HTR2B: variants seen among roughly 807,000 people sequenced by gnomAD.
HTR2B encodes 5-HT 2B receptor.
In HTR2B, 31 loss-of-function variants were observed where a neutral mutation model predicts 39.8. The ratio of observed to expected loss-of-function variants is 0.78; its 90% CI spans 0.58 to 1.05. The LOEUF (loss-of-function observed/expected upper bound fraction) is 1.05. Among genes scored for constraint, HTR2B ranks in the 50% least tolerant of loss-of-function variants. The pLI, the probability that HTR2B is intolerant of heterozygous loss-of-function variation, is 0.00. For missense variants in HTR2B, 562 were observed against 578.0 expected, an observed-to-expected ratio of 0.97 and a Z score of 0.28; for synonymous variants, 210 against 207.1, an observed-to-expected ratio of 1.01 and a Z score of -0.12.
At chr2:231,123,010 T>G (rs996059515) in intron 2 of HTR2B, among the ~76,000 whole-genome samples, 1 of 152,178 alleles carries the variant, frequency 6.6e-6, no homozygotes, top group South Asian at 2.1e-4. Context: ...TCAAAGACCT[T>G]ATCGTTAACC....
In HTR2B at chr2:231,108,701, A is replaced by T; in HGVS notation, c.1262T>A (p.Met421Lys). The T allele has an allele frequency of 1.9e-6, 3 of 1,614,128 alleles. No individual in the cohort carries two copies. Among genetic ancestry groups the T allele is most frequent in the East Asian group, 2.2e-5 (1 of 44,874 alleles). Residue 421 changes from methionine (M) to lysine (K), a missense_variant, in exon 4 of 4, where the codon ATG becomes AAG. By Grantham distance (95) the Met-to-Lys change is moderately conservative. Coordinates refer to ENST00000258400, the MANE Select transcript of HTR2B (RefSeq NM_000867.5). Reference sequence around the variant, plus strand: ...CTTGAAAAACTTAGAGTTCTCTGCCATTGGATTCCGGAAGTAGATCTTACT... The same window carrying T: ...CTTGAAAAACTTAGAGTTCTCTGCCTTTGGATTCCGGAAGTAGATCTTACT... ...RSSKIYFRNP[M>K]AENSKFFKKH...
chr2:231,112,772 G>C (rs1347000438), intron 3 of HTR2B, among the ~76,000 whole-genome samples: 2 of 152,160 alleles, frequency 1.3e-5, no homozygotes, highest in Non-Finnish European at 2.9e-5. Context: ...GATGAGTACA[G>C]GGCCGTAAGA....
chr2:231,108,925 A>G lies in HTR2B; in HGVS notation c.1038T>C (p.Thr346=). 6.2e-7 allele frequency: 1 copy of G among 1,614,162 alleles called. No individual in the cohort carries two copies. Among genetic ancestry groups the G allele is most frequent in the Non-Finnish European group, 8.5e-7 (1 of 1,180,004 alleles). ...GGTTACAGGAATCACATAAAACTAA[A>G]GTTATATTTGTAATAAAGAAGGGAC... The part of the protein sequence containing the change: ...MWCPFFITNI[T]LVLCDSCNQT... Residue 346 remains threonine (T), a synonymous_variant, in exon 4 of 4, where the codon ACT becomes ACC. Coordinates refer to ENST00000258400, the MANE Select transcript of HTR2B (RefSeq NM_000867.5).
At chr2:231,115,095 T>A (rs1305695658) in intron 2 of HTR2B, among the ~76,000 whole-genome samples, 1 of 151,930 alleles carries the variant, frequency 6.6e-6, no homozygotes, top group Non-Finnish European at 1.5e-5. Context: ...ACCAGAATAA[T>A]CATCTCAGGA....
At chr2:231,118,034 C>G (rs1695403431) in intron 2 of HTR2B, among the ~76,000 whole-genome samples, 1 of 152,024 alleles carries the variant, frequency 6.6e-6, no homozygotes, top group South Asian at 2.1e-4. Flanking sequence ...AATCAGTCCT[C>G]CTGGGTTTAA....
chr2:231,119,095 T>A (rs894717698), intron 2 of HTR2B, among the ~76,000 whole-genome samples: 6 of 152,224 alleles, frequency 3.9e-5, no homozygotes, highest in Admixed American at 2.6e-4. Context: ...AATATGATAG[T>A]GTTTTAAATG....
Position 231,123,929 on chromosome 2 carries a change from G to A in HTR2B, c.-165C>T, listed in dbSNP as rs186576022. On this transcript the variant is annotated 5_prime_UTR_variant, in exon 2 of 4. Coordinates refer to ENST00000258400, the MANE Select transcript of HTR2B (RefSeq NM_000867.5). ...AAAATTCAAGTTCTCTAAAATGAGC[G>A]CATACACACATCTGTCCATGTTTGT... is the stretch of plus-strand genomic sequence containing the variant. 6.6e-5 allele frequency: 44 copies of A among 669,164 alleles called. No homozygotes were observed. Among genetic ancestry groups the A allele is most frequent in the African/African-American group, 4.8e-4 (27 of 55,878 alleles). 41.5% of individuals were successfully genotyped at this position (669,164 alleles called of 1,614,324 possible).
At chr2:231,115,075 T>C in intron 2 of HTR2B, among the ~76,000 whole-genome samples, 1 of 152,110 alleles carries the variant, frequency 6.6e-6, no homozygotes, top group Non-Finnish European at 1.5e-5. Context: ...ATTGTCATAA[T>C]TGAAGGAAAA....
At chr2:231,114,415 C>G (rs1289821090) in intron 2 of HTR2B, among the ~76,000 whole-genome samples, 1 of 152,208 alleles carries the variant, frequency 6.6e-6, no homozygotes, top group African/African-American at 2.4e-5. Context: ...CTAGCAATAA[C>G]TAGCAGCAAG....
chr2:231,111,385 T>C (rs1236749188), intron 3 of HTR2B, among the ~76,000 whole-genome samples: 1 of 152,238 alleles, frequency 6.6e-6, no homozygotes, highest in African/African-American at 2.4e-5. Context: ...ATTCTATTAA[T>C]GAGACTTCAT....
intron 2 of HTR2B, among the ~76,000 whole-genome samples, chr2:231,116,525 T>A (rs1001359662): frequency 1.3e-5 from 2 of 151,988 alleles, no homozygotes; most frequent in Non-Finnish European, 2.9e-5. Context: ...TTTGGAAAAT[T>A]CTAGTCATAA....
rs1695640728 is a variant in HTR2B, at chr2:231,123,777, T to C, written c.-13A>G. On this transcript the variant is annotated 5_prime_UTR_variant, in exon 2 of 4. Coordinates refer to ENST00000258400, the MANE Select transcript of HTR2B (RefSeq NM_000867.5). ...AAGAGAGAGCCATTTGCTGTTTTTC[T>C]GTGATTCAATCCCGTTCCGAACAGT... The C allele has an allele frequency of 1.3e-6, 2 of 1,588,892 alleles. No individual in the cohort carries two copies. The highest frequency in any genetic ancestry group is 3.3e-5 in the Admixed American group (2 of 59,974).
At chr2:231,122,525 C>A (rs532659182) in intron 2 of HTR2B, among the ~76,000 whole-genome samples, 1 of 152,082 alleles carries the variant, frequency 6.6e-6, no homozygotes, top group Non-Finnish European at 1.5e-5. Context: ...TCAGTTTATA[C>A]CAAGCATTGA....
rs757363017 is a variant in HTR2B at position 231,123,504 on chromosome 2, A to C, written c.261T>G (p.Tyr87Ter). 6.2e-7 allele frequency: 1 copy of C among 1,613,970 alleles called. No individual in the cohort carries two copies. The highest frequency in any genetic ancestry group is 8.5e-7 in the Non-Finnish European group (1 of 1,179,928). ...LAVSLEKKLQYATNYFLMSLA... is the reference protein window; with the variant it reads ...LAVSLEKKLQ The stretch of plus-strand genomic sequence containing the variant: ...AGGACATTAGAAAGTAATTAGTAGC[A>C]TACTGCAGCTTCTTCTCCAGTGAAA... Residue 87 changes from tyrosine (Y) to a stop codon, truncating the protein, a stop_gained, in exon 2 of 4, where the codon TAT becomes TAG. Transcript: ENST00000258400. LOFTEE classifies it high-confidence loss of function.
At chr2:231,124,181 T>G (rs531405920) in intron 1 of HTR2B, 51 bp from the exon 2 acceptor site, 1 of 188,230 alleles carries the variant, frequency 5.3e-6, no homozygotes, top group East Asian at 1.3e-4. Flanking sequence ...CTGAAAGTGG[T>G]AAAAACACTT....
chr2:231,122,358 A>G (rs904937087), intron 2 of HTR2B, among the ~76,000 whole-genome samples: 3 of 152,120 alleles, frequency 2.0e-5, no homozygotes, highest in Non-Finnish European at 4.4e-5. Context: ...AATAGTTGGA[A>G]TAGCAGGGGT....
intron 3 of HTR2B, among the ~76,000 whole-genome samples, 153 bp from the exon 4 acceptor site, chr2:231,109,562 G>C (rs1216442469): frequency 6.6e-6 from 1 of 152,202 alleles, no homozygotes; most frequent in Non-Finnish European, 1.5e-5. Context: ...GCATTCATCA[G>C]TGAAGATTTG....
intron 3 of HTR2B, among the ~76,000 whole-genome samples, chr2:231,112,426 C>T (rs1338395247): frequency 6.6e-6 from 1 of 152,166 alleles, no homozygotes; most frequent in Admixed American, 6.5e-5. Context: ...TCTTCCCATA[C>T]CAGAGGAGTA....
At chr2:231,114,014 G>T in intron 2 of HTR2B, 85 bp from the exon 3 acceptor site, 2 of 1,066,362 alleles carry the variant, frequency 1.9e-6, no homozygotes, top group Non-Finnish European at 2.8e-6. Context: ...TACATCTTTT[G>T]TCTTTTTTGT....
Sources: allele counts gnomAD v4.1 joint callset (sites outside exome capture counted in the v4.1 genomes callset), GRCh38; gene constraint gnomAD v4.1.1; transcripts MANE v1.5; gene names NCBI Gene and HGNC (gene_info 2026-07-23, HGNC 2026-07-21).